The following NAA60 variants were observed in gnomAD, a reference collection of about 807,000 sequenced individuals.
NAA60 encodes the protein N-alpha-acetyltransferase 60.
Under a neutral mutation model 26.1 loss-of-function variants are expected in NAA60, and 8 were observed. That is an observed-to-expected ratio of 0.31 (90% CI 0.18 to 0.55). NAA60 has a LOEUF of 0.55. Ranked by LOEUF, NAA60 falls within the 20% of genes least tolerant of loss-of-function variation. NAA60 has a pLI of 0.93. For synonymous variants in NAA60, 131 were observed against 122.5 expected, an observed-to-expected ratio of 1.07 and a Z score of -0.46; for missense variants, 290 against 311.3, an observed-to-expected ratio of 0.93 and a Z score of 0.51.
chr16:3,481,089 G>A (rs900080016), intron 4 of NAA60, among the ~76,000 whole-genome samples: 2 of 151,950 alleles, frequency 1.3e-5, no homozygotes, highest in Non-Finnish European at 2.9e-5. Flanking sequence ...GAGCTAAGAT[G>A]TAGCAGAAAG....
chr16:3,443,687 C>A lies in NAA60; in HGVS notation c.-227C>A. The A allele has an allele frequency of 7.2e-7, 1 of 1,395,736 alleles. No homozygotes were observed. The highest frequency in any genetic ancestry group is 1.6e-5 in the South Asian group (1 of 62,816). The allele number at this position is 1,395,736 out of a possible 1,614,324, so 86.5% of individuals were successfully genotyped here. On this transcript the variant is annotated 5_prime_UTR_variant, in exon 1 of 8. Transcript: ENST00000407558. ...TTCTCTAAGCAACCATTTCCGCTTC[C>A]GCTGGCGGGGTCTCCTCCGTGAGCT...
At chr16:3,444,882 CCT>C (rs1161442910) in intron 1 of NAA60, among the ~76,000 whole-genome samples, 1 of 152,154 alleles carries the variant, frequency 6.6e-6, no homozygotes, top group Non-Finnish European at 1.5e-5. Flanking sequence ...TGCTTCAGCC[CCT>C]GTCACTAGGG....
At chr16:3,478,462 A>G (rs1276687711) in intron 3 of NAA60, among the ~76,000 whole-genome samples, 1 of 152,186 alleles carries the variant, frequency 6.6e-6, no homozygotes, top group African/African-American at 2.4e-5. Flanking sequence ...AGACTGTGAC[A>G]TGAACCGGGC....
chr16:3,458,142 G>T (rs1596299813), intron 2 of NAA60: 2 of 985,036 alleles, frequency 2.0e-6, no homozygotes, highest in African/African-American at 3.5e-5. Context: ...GATGCGCTGA[G>T]CCCTACAACA....
chr16:3,473,415 C>T (rs1433057192), intron 2 of NAA60, among the ~76,000 whole-genome samples: 1 of 152,118 alleles, frequency 6.6e-6, no homozygotes, highest in African/African-American at 2.4e-5. Flanking sequence ...AAGGGAAACC[C>T]CTTATAAAAC....
rs2034443880 is a variant in NAA60, at chr16:3,443,933, G to C, written c.-77+96G>C. 11 of 1,436,818 alleles carry C rather than the reference G, an allele frequency of 7.7e-6. No homozygotes were observed. In the South Asian group the frequency reaches 1.6e-4, roughly 21 times the overall value. 89.0% of individuals were successfully genotyped at this position (1,436,818 alleles called of 1,614,324 possible). On this transcript the variant is annotated intron_variant, in intron 1 of 7. Coordinates refer to ENST00000407558, the MANE Select transcript of NAA60 (RefSeq NM_001083601.3). ...GGGGGTTCGGGCCTAGCCTGGGCTT[G>C]AGCTGTCCTTTGTGTCTTGAGCGGA...
chr16:3,473,839 A>G (rs2036305680), intron 2 of NAA60, among the ~76,000 whole-genome samples: 1 of 151,830 alleles, frequency 6.6e-6, no homozygotes, highest in African/African-American at 2.4e-5. Flanking sequence ...GGTTCAAGTG[A>G]TTCTTCCACC....
chr16:3,476,214 C>CATA lies in NAA60; in HGVS notation c.-6-8_-6-7insATA. ...GAGGTGACGCGTCCCCCCCACCCTT[C>CATA]CCCACAGGTGTGAATGACAGAGGTG... On this transcript the variant is annotated splice_polypyrimidine_tract_variant and splice_region_variant and intron_variant, in intron 2 of 7. Transcript: ENST00000407558. 7.0e-7 allele frequency: 1 copy of CATA among 1,422,452 alleles called. No individual in the cohort carries two copies. Among genetic ancestry groups the CATA allele is most frequent in the Non-Finnish European group, 9.8e-7 (1 of 1,019,864 alleles). 88.1% of individuals were successfully genotyped at this position (1,422,452 alleles called of 1,614,324 possible). A position where few individuals can be genotyped will look rare whatever the true frequency, so the allele number is the denominator to read the frequency against.
At chr16:3,445,241 G>A (rs867667158) in intron 1 of NAA60, among the ~76,000 whole-genome samples, 30 of 151,224 alleles carry the variant, frequency 2.0e-4, no homozygotes, top group African/African-American at 6.6e-4. Flanking sequence ...TGGTGTTCAC[G>A]TAGTCATCTT....
rs757296770 is a variant in NAA60 at position 3,484,930 on chromosome 16, C to T, written c.*75C>T. On this transcript the variant is annotated 3_prime_UTR_variant, in exon 7 of 8. Transcript: ENST00000407558. ...GCCCGCCTTCCTGTCCATCTGACCC[C>T]TTCTGTTTTCTGCAAGGAGCTGCCA... The T allele has an allele frequency of 6.5e-7, 1 of 1,541,612 alleles. No homozygotes were observed. The highest frequency in any genetic ancestry group is 8.7e-7 in the Non-Finnish European group (1 of 1,144,914).
chr16:3,473,313 T>C (rs2036269245), intron 2 of NAA60, among the ~76,000 whole-genome samples: 1 of 152,142 alleles, frequency 6.6e-6, no homozygotes, highest in South Asian at 2.1e-4. Context: ...GACTCACGGT[T>C]GTACATGGCT....
intron 2 of NAA60, chr16:3,472,192 T>G (rs2036193676): frequency 6.6e-6 from 1 of 152,206 alleles, no homozygotes; most frequent in South Asian, 2.1e-4. Flanking sequence ...GGTTCCAGTG[T>G]ATGTCAGTGC....
Position 3,453,974 on chromosome 16 carries a change from A to G in NAA60, c.-7+5434A>G, listed in dbSNP as rs1444052592. Among the ~76,000 whole-genome samples, 3 of 152,146 alleles carry G rather than the reference A, an allele frequency of 2.0e-5. No individual in the cohort carries two copies. In the East Asian group the frequency reaches 5.8e-4, roughly 29 times the overall value. On this transcript the variant is annotated intron_variant, in intron 2 of 7. Transcript: ENST00000407558. The stretch of plus-strand genomic sequence containing the variant: ...GGGTTTGTGGGAGGTGGTGGTTGGA[A>G]TCACCTGGGGTTGGATACTGGACTT...
At chr16:3,474,559 G>C (rs547535163) in intron 2 of NAA60, among the ~76,000 whole-genome samples, 24 of 152,346 alleles carry the variant, frequency 1.6e-4, no homozygotes, top group African/African-American at 5.3e-4. Flanking sequence ...TGGACGCCGC[G>C]GGCACTTCCC....
intron 4 of NAA60, among the ~76,000 whole-genome samples, chr16:3,481,765 C>T (rs2036852366): frequency 6.6e-6 from 1 of 152,228 alleles, no homozygotes; most frequent in Non-Finnish European, 1.5e-5. Flanking sequence ...GGACGCCTTC[C>T]TCCCTGGACT....
intron 2 of NAA60, 119 bp downstream of exon 2, chr16:3,448,659 C>A: frequency 2.5e-6 from 2 of 812,118 alleles, no homozygotes; most frequent in South Asian, 1.8e-5. Flanking sequence ...ATTTTTAGTA[C>A]TGAATGATAG....
intron 3 of NAA60, among the ~76,000 whole-genome samples, chr16:3,477,017 G>A: frequency 6.6e-6 from 1 of 151,878 alleles, no homozygotes; most frequent in Non-Finnish European, 1.5e-5. Context: ...CTCCAGCCTG[G>A]GCAACAAGAG....
At chr16:3,454,767 G>T (rs1219403626) in intron 2 of NAA60, among the ~76,000 whole-genome samples, 1 of 152,166 alleles carries the variant, frequency 6.6e-6, no homozygotes, top group East Asian at 1.9e-4. Context: ...TTAGGCAGGG[G>T]TCCTCTGAAC....
chr16:3,471,363 T>G (rs1183261394), intron 2 of NAA60, among the ~76,000 whole-genome samples: 3 of 151,746 alleles, frequency 2.0e-5, no homozygotes, highest in African/African-American at 7.3e-5. Context: ...ATTAGCCAGG[T>G]GTGGTAGCAG....
Sources: gnomAD v4.1 joint callset for allele counts (sites outside exome capture counted in the v4.1 genomes callset) on GRCh38, gnomAD v4.1.1 for gene constraint, MANE v1.5 for transcripts, NCBI Gene and HGNC (gene_info 2026-07-23, HGNC 2026-07-21) for gene names.